The following CACNA1B variants were observed in gnomAD, a reference collection of about 807,000 sequenced individuals.
The protein encoded by CACNA1B is voltage-dependent N-type calcium channel subunit alpha-1B.
CACNA1B carries 70 observed loss-of-function variants against 247.2 expected under a neutral mutation model. That is an observed-to-expected ratio of 0.28 (90% CI 0.23 to 0.35). The LOEUF (loss-of-function observed/expected upper bound fraction) is 0.35, where lower values mean the gene tolerates loss of function less well. Among genes scored for constraint, CACNA1B ranks in the 10% least tolerant of loss-of-function variants. CACNA1B has a pLI of 1.00. For missense variants in CACNA1B, 2,367 were observed against 3,197.4 expected (o/e 0.74, Z 6.26); for synonymous variants, 1,231 against 1,294.4 (o/e 0.95, Z 1.05).
At position 138,064,089 on chromosome 9, in the gene CACNA1B, C is replaced by G. The variant is rs146026331; in HGVS notation, c.4668+4352C>G. Among the ~76,000 whole-genome samples the G allele has an allele frequency of 1.7e-3, 255 of 152,342 alleles. 1 individual carries two copies. The highest frequency in any genetic ancestry group is 5.4e-3 in the African/African-American group (223 of 41,584). On this transcript the variant is annotated intron_variant, in intron 31 of 46. Coordinates refer to ENST00000371372, the MANE Select transcript of CACNA1B (RefSeq NM_000718.4). The stretch of plus-strand genomic sequence containing the variant: ...ATTCATTGGTGTCCTGGCCCCTGCG[C>G]ACACTCTGAGATGGAGCCGCAATCT...
At chr9:137,931,407 G>A (rs779640533) in intron 6 of CACNA1B, among the ~76,000 whole-genome samples, 14 of 152,078 alleles carry the variant, frequency 9.2e-5, no homozygotes, top group Non-Finnish European at 1.9e-4. Context: ...TTTCGTCTGC[G>A]ATACAGTGGA....
rs866557725 is a variant in CACNA1B, at chr9:137,986,938, C to A, written c.1974+84C>A. 98 of 1,002,104 alleles carry A rather than the reference C, an allele frequency of 9.8e-5. No individual in the cohort carries two copies. The Middle Eastern group carries it at 1.7e-3, about 17-fold the overall frequency. The allele number at this position is 1,002,104 out of a possible 1,614,324, so 62.1% of individuals were successfully genotyped here. ...GGGAAGGCGGACTCTCCTGTCATTC[C>A]CTCCCTTGTTCCTCCACACGGCCCA... is the stretch of plus-strand genomic sequence containing the variant. On this transcript the variant is annotated intron_variant, in intron 15 of 46. Coordinates refer to ENST00000371372, the MANE Select transcript of CACNA1B (RefSeq NM_000718.4). This position sits in a 1 kb window ranked among gnomAD's most constrained non-coding sequence, Gnocchi z 6.0.
intron 3 of CACNA1B, among the ~76,000 whole-genome samples, chr9:137,911,874 T>C (rs1957363732): frequency 6.6e-6 from 1 of 152,128 alleles, no homozygotes; most frequent in Non-Finnish European, 1.5e-5. Context: ...ACGTGGCATA[T>C]GAGAGAAGGA....
intron 20 of CACNA1B, among the ~76,000 whole-genome samples, chr9:138,027,642 G>A (rs1431957591): frequency 6.6e-6 from 1 of 152,148 alleles, no homozygotes; most frequent in Non-Finnish European, 1.5e-5. Flanking sequence ...ACTTCAGTAA[G>A]TGTTTTTATC....
rs901226683 is a variant in CACNA1B at position 137,891,365 on chromosome 9, C to A, written c.530+8482C>A. 1.3e-5 allele frequency: 2 copies of A among 152,728 alleles called. No individual in the cohort carries two copies. The highest frequency in any genetic ancestry group is 6.5e-5 in the Admixed American group (1 of 15,294). The allele number at this position is 152,728 out of a possible 1,614,324, so 9.5% of individuals were successfully genotyped here. On this transcript the variant is annotated intron_variant, in intron 3 of 46. Transcript: ENST00000371372. The surrounding 1 kb of genome is among the most constrained non-coding windows in gnomAD (Gnocchi z 4.3). ...CGCCCCTCCTGGGGGCTGGCCTGTT[C>A]GAAGCCGTCCGTGGCCTCCGGTCCA...
chr9:138,070,280 A>G (rs964987022), intron 32 of CACNA1B, among the ~76,000 whole-genome samples: 40 of 152,136 alleles, frequency 2.6e-4, no homozygotes, highest in Admixed American at 2.6e-4. Context: ...TGGAGTGGGC[A>G]GGGTCAGGCC....
intron 15 of CACNA1B, among the ~76,000 whole-genome samples, chr9:138,005,226 C>T (rs1374166330): frequency 2.6e-5 from 4 of 152,208 alleles, no homozygotes; most frequent in Admixed American, 2.0e-4. Context: ...AAGTGCTTGT[C>T]AACGGATGAA....
intron 18 of CACNA1B, among the ~76,000 whole-genome samples, chr9:138,021,696 T>A (rs571060876): frequency 1.3e-5 from 2 of 152,392 alleles, no homozygotes; most frequent in Admixed American, 1.3e-4. Flanking sequence ...TGTGGGACCC[T>A]GAGCAAGTAA....
At chr9:138,120,456 C>G (rs1189431161) in intron 45 of CACNA1B, 84 bp downstream of exon 45, 1 of 1,426,636 alleles carries the variant, frequency 7.0e-7, no homozygotes, top group African/African-American at 1.4e-5. Context: ...GGACCCTCTT[C>G]CTTTGTGGGC....
chr9:137,952,284 C>T lies in CACNA1B; in HGVS notation c.977C>T (p.Ala326Val), dbSNP rs201604014. The T allele has an allele frequency of 1.4e-5, 22 of 1,613,442 alleles. No homozygotes were observed. Among genetic ancestry groups the T allele is most frequent in the Non-Finnish European group, 1.7e-5 (20 of 1,179,522 alleles). ...TCTCCTTGCTTCCAGACAAACGATG[C>T]GGCCGGCAACACCTGGAACTGGCTC... ...WTDILYNTNDAAGNTWNWLYF... is the reference protein window; with the variant it reads ...WTDILYNTNDVAGNTWNWLYF... Residue 326 changes from alanine (A) to valine (V), a missense_variant, in exon 7 of 47, where the codon GCG (alanine) becomes GTG (valine). Ala to Val is a moderately conservative substitution (Grantham distance 64). This residue lies in a region of CACNA1B where 32 missense variants were observed against 37.2 expected (regional missense o/e 0.86). Transcript: ENST00000371372. The surrounding 1 kb of genome is among the most constrained non-coding windows in gnomAD (Gnocchi z 4.8).
chr9:137,898,513 T>C (rs1399257267), intron 3 of CACNA1B, among the ~76,000 whole-genome samples: 1 of 151,990 alleles, frequency 6.6e-6, no homozygotes, highest in East Asian at 1.9e-4. Flanking sequence ...TTTTCTTTCT[T>C]TTTATTTTTT....
rs1958093815 is a variant in CACNA1B, at chr9:137,967,489, CT to C, written c.1334-3892del. On this transcript the variant is annotated intron_variant, in intron 10 of 46. Coordinates refer to ENST00000371372, the MANE Select transcript of CACNA1B (RefSeq NM_000718.4). ...CCTAACCTCAGTCACCTAGGTTTAC[CT>C]TAGCATCTTCTCTTCTCTTCAGTCC... is the stretch of plus-strand genomic sequence containing the variant. Among the ~76,000 whole-genome samples, 7 of 152,318 alleles carry C rather than the reference CT, an allele frequency of 4.6e-5. No homozygotes were observed. In the South Asian group the frequency reaches 1.5e-3, roughly 32 times the overall value.
chr9:138,006,738 C>A, intron 15 of CACNA1B, 29 bp from the exon 16 acceptor site: 2 of 1,347,958 alleles, frequency 1.5e-6, no homozygotes, highest in Non-Finnish European at 2.1e-6. Flanking sequence ...GCCATGGGGG[C>A]TTGCCCTGTG....
intron 31 of CACNA1B, chr9:138,068,737 T>C (rs1960018864): frequency 2.2e-6 from 1 of 457,332 alleles, no homozygotes; most frequent in Non-Finnish European, 4.4e-6. Context: ...CGGGAACTGC[T>C]GACTGCTGAG....
intron 13 of CACNA1B, among the ~76,000 whole-genome samples, chr9:137,984,962 A>C (rs1428493454): frequency 6.6e-6 from 1 of 152,194 alleles, no homozygotes; most frequent in Admixed American, 6.5e-5. Context: ...TCCTCACAGC[A>C]GTCTCATCGG....
intron 6 of CACNA1B, among the ~76,000 whole-genome samples, chr9:137,938,402 T>C (rs1005657438): frequency 3.3e-5 from 5 of 152,140 alleles, no homozygotes; most frequent in African/African-American, 1.2e-4. Context: ...TAGAATAGTA[T>C]CTCACATCTC....
At chr9:138,085,764 A>G (rs537730043) in intron 36 of CACNA1B, among the ~76,000 whole-genome samples, 8 of 151,308 alleles carry the variant, frequency 5.3e-5, no homozygotes, top group African/African-American at 1.7e-4. Context: ...AAAACAAAAA[A>G]CAAACTGTCA....
intron 36 of CACNA1B, among the ~76,000 whole-genome samples, chr9:138,092,411 C>A (rs892864233): frequency 6.6e-6 from 1 of 152,212 alleles, no homozygotes; most frequent in Admixed American, 6.5e-5. Flanking sequence ...TTCTCCTATT[C>A]GCTTTCTGCA....
At chr9:137,897,158 T>TTATTA (rs1957182442) in intron 3 of CACNA1B, among the ~76,000 whole-genome samples, 1 of 152,208 alleles carries the variant, frequency 6.6e-6, no homozygotes, top group South Asian at 2.1e-4. Flanking sequence ...TGCCCTTATT[T>TTATTA]TATTACTTCC....
Sources: gnomAD v4.1 joint callset for allele counts (sites outside exome capture counted in the v4.1 genomes callset) on GRCh38, gnomAD v4.1.1 for gene constraint, gnomAD v4.1.1 regional missense constraint, Gnocchi (gnomAD v3.1) non-coding constraint, MANE v1.5 for transcripts, NCBI Gene and HGNC (gene_info 2026-07-23, HGNC 2026-07-21) for gene names.